TTYH3: variants seen among roughly 807,000 people sequenced by gnomAD.
TTYH3 encodes tweety family member 3.
A neutral mutation model predicts 68.2 loss-of-function variants in TTYH3; 23 were observed. The ratio of observed to expected loss-of-function variants is 0.34; its 90% CI spans 0.24 to 0.48. The LOEUF (loss-of-function observed/expected upper bound fraction) is 0.48. Ranked by LOEUF, TTYH3 falls within the 20% of genes least tolerant of loss-of-function variation. TTYH3 has a pLI of 0.99. For synonymous variants in TTYH3, 360 were observed against 332.8 expected, an observed-to-expected ratio of 1.08 and a Z score of -0.89; for missense variants, 768 against 727.7, an observed-to-expected ratio of 1.06 and a Z score of -0.64.
chr7:2,632,469 T>G (rs889494066), intron 1 of TTYH3, among the ~76,000 whole-genome samples, 191 bp downstream of exon 1: 71 of 151,744 alleles, frequency 4.7e-4, no homozygotes, highest in African/African-American at 1.6e-3. Flanking sequence ...CTAGGACCCT[T>G]TCTTCCAGGG....
chr7:2,660,710 G>A (rs921990178), intron 13 of TTYH3, among the ~76,000 whole-genome samples: 4 of 152,092 alleles, frequency 2.6e-5, no homozygotes, highest in Non-Finnish European at 4.4e-5. Context: ...TCGGGGACCC[G>A]GGGAGCTCTG....
chr7:2,643,926 A>G (rs1007084243), intron 1 of TTYH3, among the ~76,000 whole-genome samples: 2 of 152,182 alleles, frequency 1.3e-5, no homozygotes, highest in Non-Finnish European at 2.9e-5. Flanking sequence ...TGTGGGGTGC[A>G]GTACAGACAG....
At chr7:2,647,883 C>T (rs774165309) in intron 4 of TTYH3, 76 bp from the exon 5 acceptor site, 10 of 1,533,146 alleles carry the variant, frequency 6.5e-6, no homozygotes, top group Non-Finnish European at 8.0e-6. Context: ...CCTCAGCTCC[C>T]CCTCAAGGGC....
At chr7:2,639,881 G>A (rs1323138796) in intron 1 of TTYH3, among the ~76,000 whole-genome samples, 4 of 152,114 alleles carry the variant, frequency 2.6e-5, no homozygotes, top group South Asian at 2.1e-4. Flanking sequence ...TCTGGCCACC[G>A]GGGGCTGCTT....
intron 9 of TTYH3, among the ~76,000 whole-genome samples, chr7:2,654,293 G>T (rs1218913374): frequency 6.6e-6 from 1 of 152,094 alleles, no homozygotes; most frequent in Admixed American, 6.5e-5. Flanking sequence ...TGCACAGGAG[G>T]CTGAGGCAGG....
At chr7:2,651,521 T>C (rs1786175916) in intron 7 of TTYH3, among the ~76,000 whole-genome samples, 1 of 152,190 alleles carries the variant, frequency 6.6e-6, no homozygotes, top group Admixed American at 6.5e-5. Context: ...AGGTCCCTAC[T>C]GTAGCCGGCG....
In TTYH3 at chr7:2,647,658, C is replaced by T; in HGVS notation, c.626+20C>T. Reference sequence around the variant, plus strand: ...GTACAGGTGCGGCCAGGCCCTCTTCCCTGCCCGCCCCACGTGGGAAAGCAT... The same window carrying T: ...GTACAGGTGCGGCCAGGCCCTCTTCTCTGCCCGCCCCACGTGGGAAAGCAT... On this transcript the variant is annotated intron_variant, in intron 4 of 13. Transcript: ENST00000258796. 8 of 1,540,054 alleles carry T rather than the reference C, an allele frequency of 5.2e-6. No individual in the cohort carries two copies. The highest frequency in any genetic ancestry group is 7.0e-6 in the Non-Finnish European group (8 of 1,137,954).
At chr7:2,656,064 C>G in intron 9 of TTYH3, 28 bp from the exon 10 acceptor site, 1 of 1,509,804 alleles carries the variant, frequency 6.6e-7, no homozygotes. Flanking sequence ...AAATGAAGTG[C>G]TGACCATCTG....
chr7:2,658,283 C>T lies in TTYH3; in HGVS notation c.1251-3C>T, dbSNP rs776237655. 28 of 1,563,018 alleles carry T rather than the reference C, an allele frequency of 1.8e-5. No individual in the cohort carries two copies. In the South Asian group the frequency reaches 3.2e-4, roughly 18 times the overall value. On this transcript the variant is annotated splice_polypyrimidine_tract_variant and splice_region_variant and intron_variant, in intron 11 of 13. Coordinates refer to ENST00000258796, the MANE Select transcript of TTYH3 (RefSeq NM_025250.3). The stretch of plus-strand genomic sequence containing the variant: ...AGCCCGTGCTGCGTGTCCCTCCTCA[C>T]AGAGGCCCTGATGAGGACGGGGAGG...
rs780950302 is a variant in TTYH3 at position 2,647,142 on chromosome 7, C to T, written c.294C>T (p.Ser98=). ...CATCTCACGGGCCCGCCCTCTCCAG[C>T]GCCGGCATCGCAGTGGGATTCTACG... ...WCVIIATLVC[S]AGIAVGFYGN... The change falls in exon 3 of 14, where the codon AGC becomes AGT. Residue 98 remains serine (S), a splice_region_variant and synonymous_variant. Transcript: ENST00000258796. 5.6e-6 allele frequency: 9 copies of T among 1,599,564 alleles called. No homozygotes were observed. In the Admixed American group the frequency reaches 6.9e-5, roughly 12 times the overall value.
At chr7:2,649,467 C>G in intron 5 of TTYH3, 100 bp from the exon 6 acceptor site, 1 of 1,205,358 alleles carries the variant, frequency 8.3e-7, no homozygotes, top group Non-Finnish European at 1.2e-6. Flanking sequence ...GTGGGCTGAC[C>G]CCTGATGTGC....
At chr7:2,648,890 T>G (rs1383378521) in intron 5 of TTYH3, among the ~76,000 whole-genome samples, 1 of 43,536 alleles carries the variant, frequency 2.3e-5, no homozygotes, top group Non-Finnish European at 4.4e-5. Context: ...GGGTCCTCAG[T>G]GGGGTGTGCA....
At chr7:2,634,428 G>A (rs2114969106) in intron 1 of TTYH3, among the ~76,000 whole-genome samples, 1 of 152,278 alleles carries the variant, frequency 6.6e-6, no homozygotes, top group East Asian at 1.9e-4. Context: ...CCCTGGTGAG[G>A]AGTTGCTGGC....
At chr7:2,635,198 C>T (rs921636727) in intron 1 of TTYH3, among the ~76,000 whole-genome samples, 3 of 152,174 alleles carry the variant, frequency 2.0e-5, no homozygotes, top group Non-Finnish European at 4.4e-5. Flanking sequence ...TGGCGTGGCC[C>T]GGGGCCAGTC....
intron 5 of TTYH3, 105 bp from the exon 6 acceptor site, chr7:2,649,462 C>A: frequency 1.7e-6 from 2 of 1,152,614 alleles, no homozygotes; most frequent in Non-Finnish European, 2.5e-6. Flanking sequence ...CATGTGTGGG[C>A]TGACCCCTGA....
chr7:2,657,715 G>T (rs79708264), intron 11 of TTYH3, among the ~76,000 whole-genome samples: 1 of 152,136 alleles, frequency 6.6e-6, no homozygotes, highest in Non-Finnish European at 1.5e-5. Flanking sequence ...GAGGGGCTTG[G>T]CTGGTGGCCC....
chr7:2,639,062 G>T (rs1204416189), intron 1 of TTYH3, among the ~76,000 whole-genome samples: 1 of 152,116 alleles, frequency 6.6e-6, no homozygotes. Context: ...AGAACCCCTC[G>T]GTCTGCACTG....
chr7:2,651,312 C>A (rs558504927), intron 7 of TTYH3, among the ~76,000 whole-genome samples: 1 of 152,264 alleles, frequency 6.6e-6, no homozygotes, highest in Admixed American at 6.5e-5. Flanking sequence ...TGGTTTTTTA[C>A]CTGCCTTTGT....
At chr7:2,635,481 C>G (rs546727655) in intron 1 of TTYH3, among the ~76,000 whole-genome samples, 5 of 152,216 alleles carry the variant, frequency 3.3e-5, no homozygotes, top group Admixed American at 3.3e-4. Flanking sequence ...GCCTCTCTCT[C>G]GGGCTGTCTC....
Sources: gnomAD v4.1 joint callset for allele counts (sites outside exome capture counted in the v4.1 genomes callset) on GRCh38, gnomAD v4.1.1 for gene constraint, MANE v1.5 for transcripts, NCBI Gene and HGNC (gene_info 2026-07-23, HGNC 2026-07-21) for gene names.